The following RPS6KC1 variants were observed in gnomAD, a reference collection of about 807,000 sequenced individuals.
The protein encoded by RPS6KC1 is ribosomal protein S6 kinase C1.
Under a neutral mutation model 103.8 loss-of-function variants are expected in RPS6KC1, and 54 were observed. The observed-to-expected ratio is 0.52, with a 90% CI of 0.42 to 0.65. The LOEUF is 0.65. Among genes scored for constraint, RPS6KC1 ranks in the 30% least tolerant of loss-of-function variants. The probability of loss-of-function intolerance (pLI) is 0.00; values close to 1 mark genes in which losing one functional copy is unlikely to be tolerated. For synonymous variants in RPS6KC1, 439 were observed against 438.7 expected (o/e 1.00, Z -0.01); for missense variants, 1,151 against 1,253.8 (o/e 0.92, Z 1.24).
At chr1:213,312,644 T>C in the RPS6KC1 span, among the ~76,000 whole-genome samples, 1 of 152,178 alleles carries the variant, frequency 6.6e-6, no homozygotes, top group South Asian at 2.1e-4. Flanking sequence ...GGCCCTTTCC[T>C]CAAACCTCGG....
chr1:213,219,997 TTAAGTA>T (rs150213306), intron 8 of RPS6KC1, among the ~76,000 whole-genome samples: 5,135 of 152,138 alleles, frequency 0.034, 116 homozygotes, highest in Middle Eastern at 0.054. Context: ...CCCTAAAACT[TTAAGTA>T]TAATAATTTA....
the RPS6KC1 span, among the ~76,000 whole-genome samples, chr1:213,416,491 C>T: frequency 3.7e-3 from 570 of 152,280 alleles, 6 homozygotes; most frequent in African/African-American, 0.013. Context: ...GGCTGGATCA[C>T]GCTGTGGGAG....
intron 12 of RPS6KC1, among the ~76,000 whole-genome samples, chr1:213,249,091 G>C (rs2094500939): frequency 6.6e-6 from 1 of 152,158 alleles, no homozygotes; most frequent in African/African-American, 2.4e-5. Context: ...CATGAGACTA[G>C]AGACTTATAG....
chr1:213,159,391 G>T lies in RPS6KC1; in HGVS notation c.836-8467G>T, dbSNP rs1026216951. On this transcript the variant is annotated intron_variant, in intron 6 of 14. Coordinates refer to ENST00000366960, the MANE Select transcript of RPS6KC1 (RefSeq NM_012424.6). ...TCAGTAGAAAGCTAGGTAAAGCATT[G>T]ATGTGGGGTAAAGTAGCTGTGGAGT... 3.9e-5 allele frequency among the ~76,000 whole-genome samples: 6 copies of T among 152,206 alleles called. No individual in the cohort carries two copies. In the South Asian group the frequency reaches 6.2e-4, roughly 16 times the overall value.
chr1:213,286,852 T>G, the RPS6KC1 span, among the ~76,000 whole-genome samples: 2 of 152,180 alleles, frequency 1.3e-5, no homozygotes, highest in Admixed American at 1.3e-4. Context: ...TTGAAACTGA[T>G]GTGGATCAAG....
chr1:213,719,217 A>G, the RPS6KC1 span, among the ~76,000 whole-genome samples: 2 of 152,224 alleles, frequency 1.3e-5, no homozygotes, highest in African/African-American at 2.4e-5. Flanking sequence ...CAATTCAACA[A>G]TGAAACGTGT....
At chr1:213,150,937 AG>A (rs1285454764) in intron 6 of RPS6KC1, among the ~76,000 whole-genome samples, 49 of 140,756 alleles carry the variant, frequency 3.5e-4, no homozygotes, top group Non-Finnish European at 5.9e-4. Context: ...CTGGCCGGGC[AG>A]GGGGGCTGAC....
chr1:213,328,742 GTC>G, the RPS6KC1 span, among the ~76,000 whole-genome samples: 1 of 151,772 alleles, frequency 6.6e-6, no homozygotes, highest in East Asian at 1.9e-4. Flanking sequence ...ACTGTCCTGT[GTC>G]ATTTACTGCC....
chr1:213,714,913 C>T, the RPS6KC1 span, among the ~76,000 whole-genome samples: 17 of 152,132 alleles, frequency 1.1e-4, no homozygotes, highest in African/African-American at 2.7e-4. Flanking sequence ...GTGGGAGGGA[C>T]GGCCATCAAT....
At chr1:213,191,373 C>T (rs1003955296) in intron 8 of RPS6KC1, among the ~76,000 whole-genome samples, 2 of 151,788 alleles carry the variant, frequency 1.3e-5, no homozygotes, top group African/African-American at 4.8e-5. Flanking sequence ...TGGTTAATTC[C>T]TAGGTATTTA....
the RPS6KC1 span, among the ~76,000 whole-genome samples, chr1:213,339,455 G>A: frequency 1.3e-5 from 2 of 152,166 alleles, no homozygotes; most frequent in Non-Finnish European, 2.9e-5. Context: ...CATCCACACA[G>A]TTAGGAGCTA....
At chr1:213,416,325 A>T in the RPS6KC1 span, among the ~76,000 whole-genome samples, 10 of 152,226 alleles carry the variant, frequency 6.6e-5, no homozygotes, top group Admixed American at 5.9e-4. Context: ...TCATCTTGCC[A>T]TGGGGCTTGG....
At chr1:213,265,622 A>G (rs1342891129) in intron 14 of RPS6KC1, among the ~76,000 whole-genome samples, 3 of 152,244 alleles carry the variant, frequency 2.0e-5, no homozygotes, top group Non-Finnish European at 2.9e-5. Context: ...TTTTATAACA[A>G]TAGCTTTTCT....
At chr1:213,432,671 C>G in the RPS6KC1 span, among the ~76,000 whole-genome samples, 2 of 151,960 alleles carry the variant, frequency 1.3e-5, no homozygotes, top group South Asian at 4.2e-4. Context: ...AGCCACTGAT[C>G]TGTTTTCTGT....
At chr1:213,583,647 C>T in the RPS6KC1 span, among the ~76,000 whole-genome samples, 2 of 151,762 alleles carry the variant, frequency 1.3e-5, no homozygotes, top group African/African-American at 4.8e-5. Context: ...ACGGTGAAAC[C>T]CTGTCTATTT....
intron 6 of RPS6KC1, among the ~76,000 whole-genome samples, chr1:213,146,575 G>A (rs916898402): frequency 2.0e-5 from 3 of 151,620 alleles, no homozygotes; most frequent in Non-Finnish European, 2.9e-5. Flanking sequence ...ACAGGCGCCC[G>A]CCACCATGCC....
intron 8 of RPS6KC1, among the ~76,000 whole-genome samples, chr1:213,184,711 G>T (rs914259585): frequency 6.6e-6 from 1 of 151,922 alleles, no homozygotes; most frequent in African/African-American, 2.4e-5. Flanking sequence ...CATTTGTTTC[G>T]AGAAGTTTTT....
rs549544646 is a variant in RPS6KC1, at chr1:213,146,393, T to C, written c.835+16504T>C. 8.8e-4 allele frequency among the ~76,000 whole-genome samples: 134 copies of C among 152,100 alleles called. 2 individuals carry two copies. Among genetic ancestry groups the C allele is most frequent in the African/African-American group, 3.0e-3 (126 of 41,530 alleles). On this transcript the variant is annotated intron_variant, in intron 6 of 14. Transcript: ENST00000366960. ...TCTTTGATACACTGATTTCCTTTCT[T>C]TGGAGTGTATGCGTAGCAGTGGGAT... is the stretch of plus-strand genomic sequence containing the variant.
At chr1:213,613,373 C>T in the RPS6KC1 span, among the ~76,000 whole-genome samples, 7 of 152,130 alleles carry the variant, frequency 4.6e-5, no homozygotes, top group African/African-American at 1.2e-4. Flanking sequence ...CTCCTTGTGT[C>T]GATGAGATTT....
Sources: gnomAD v4.1 joint callset for allele counts (sites outside exome capture counted in the v4.1 genomes callset) on GRCh38, gnomAD v4.1.1 for gene constraint, MANE v1.5 for transcripts, NCBI Gene and HGNC (gene_info 2026-07-23, HGNC 2026-07-21) for gene names.